The following GPR161 variants were observed in gnomAD, a reference collection of about 807,000 sequenced individuals.
GPR161 encodes the protein G-protein coupled receptor RE2.
GPR161 carries 25 observed loss-of-function variants against 39.2 expected under a neutral mutation model. The observed-to-expected ratio is 0.64, with a 90% CI of 0.47 to 0.89. The LOEUF (loss-of-function observed/expected upper bound fraction) is 0.89. Ranked by LOEUF, GPR161 falls within the 40% of genes least tolerant of loss-of-function variation. The pLI is 0.00. For missense variants in GPR161, 547 were observed against 677.8 expected (o/e 0.81, Z 2.14); for synonymous variants, 286 against 276.6 (o/e 1.03, Z -0.34).
At chr1:168,129,104 T>C (rs1296027853) in intron 1 of GPR161, among the ~76,000 whole-genome samples, 1 of 152,084 alleles carries the variant, frequency 6.6e-6, no homozygotes, top group African/African-American at 2.4e-5. Flanking sequence ...CAATTCTGGG[T>C]AGTAGGTACT....
chr1:168,137,344 C>T (rs2102283383), upstream of GPR161: 2 of 1,535,874 alleles, frequency 1.3e-6, no homozygotes, highest in Non-Finnish European at 1.7e-6. Context: ...CATTCTCCTC[C>T]TCCAGTCCCG....
upstream of GPR161, chr1:168,136,949 C>CG: frequency 4.3e-6 from 3 of 694,642 alleles, no homozygotes; most frequent in Non-Finnish European, 5.1e-6. Context: ...GGCGCCCGCG[C>CG]CCCGCCCCGC....
intron 1 of GPR161, among the ~76,000 whole-genome samples, chr1:168,111,008 G>C (rs1249632233): frequency 6.6e-6 from 1 of 151,868 alleles, no homozygotes; most frequent in African/African-American, 2.4e-5. Context: ...TAGCTAAAAA[G>C]AAAGATGATT....
chr1:168,121,353 C>T (rs1182685901), intron 1 of GPR161, among the ~76,000 whole-genome samples: 7 of 152,090 alleles, frequency 4.6e-5, no homozygotes, highest in African/African-American at 1.4e-4. Context: ...GTTTTTGTTG[C>T]GGCATGTAGG....
Position 168,098,395 on chromosome 1 carries a change from A to T in GPR161, c.375-1163T>A, listed in dbSNP as rs957738033. The stretch of plus-strand genomic sequence containing the variant: ...ACTCAGACCACAGGGCTGAAAGTCA[A>T]CCACCACCCTCCCAACCCCGACATT... On this transcript the variant is annotated intron_variant, in intron 2 of 5. Transcript: ENST00000682931. This position sits in a 1 kb window ranked among gnomAD's most constrained non-coding sequence, Gnocchi z 4.1. Among the ~76,000 whole-genome samples the T allele has an allele frequency of 2.0e-5, 3 of 152,246 alleles. No homozygotes were observed. Among genetic ancestry groups the T allele is most frequent in the Non-Finnish European group, 4.4e-5 (3 of 68,040 alleles).
intron 2 of GPR161, 143 bp from the exon 3 acceptor site, chr1:168,097,375 T>C (rs1695660502): frequency 1.3e-6 from 1 of 766,558 alleles, no homozygotes; most frequent in Non-Finnish European, 2.1e-6. Flanking sequence ...ACAAGTTATA[T>C]AGACTGCATC....
At chr1:168,092,167 G>T (rs1695127522) in intron 3 of GPR161, among the ~76,000 whole-genome samples, 1 of 152,128 alleles carries the variant, frequency 6.6e-6, no homozygotes, top group Admixed American at 6.5e-5. Flanking sequence ...GACCAGAAAG[G>T]CCCCAATCCT....
chr1:168,104,366 C>T (rs1420301642), intron 2 of GPR161, 111 bp downstream of exon 2: 2 of 848,104 alleles, frequency 2.4e-6, no homozygotes, highest in Non-Finnish European at 3.7e-6. Flanking sequence ...TCATCCTCCC[C>T]CAGCAAGGGC....
chr1:168,111,567 G>C (rs756073370), intron 1 of GPR161, among the ~76,000 whole-genome samples: 1 of 152,216 alleles, frequency 6.6e-6, no homozygotes, highest in East Asian at 1.9e-4. Context: ...TTAGGGATGC[G>C]AAGCCAACAT....
intron 4 of GPR161, among the ~76,000 whole-genome samples, chr1:168,090,230 A>G (rs1694920470): frequency 6.6e-6 from 1 of 152,190 alleles, no homozygotes; most frequent in Admixed American, 6.5e-5. Context: ...GGCTGACTGC[A>G]AGGCCCCTCT....
At chr1:168,123,991 C>A (rs1434339614) in intron 1 of GPR161, among the ~76,000 whole-genome samples, 1 of 152,234 alleles carries the variant, frequency 6.6e-6, no homozygotes, top group African/African-American at 2.4e-5. Flanking sequence ...CCTAACTTGA[C>A]ACACAGGTTG....
chr1:168,116,653 T>TC (rs1430374311), intron 1 of GPR161, among the ~76,000 whole-genome samples: 1 of 152,066 alleles, frequency 6.6e-6, no homozygotes, highest in Admixed American at 6.5e-5. Context: ...GTGCAAAGGC[T>TC]CCCTCCTGCC....
Position 168,081,095 on chromosome 1 carries a change from C to G in GPR161, c.*4436G>C, listed in dbSNP as rs1694040297. 6.6e-6 allele frequency: 1 copy of G among 152,120 alleles called. No homozygotes were observed. Among genetic ancestry groups the G allele is most frequent in the Non-Finnish European group, 1.5e-5 (1 of 68,056 alleles). 9.4% of individuals were successfully genotyped at this position (152,120 alleles called of 1,614,324 possible). On this transcript the variant is annotated 3_prime_UTR_variant, in exon 6 of 6. Transcript: ENST00000682931. ...GTCAGGCTGGTCTCGAACTCCTGAC[C>G]TCAGGTGATCTGCCCATCTCGACCC...
At chr1:168,120,833 C>T (rs926329284) in intron 1 of GPR161, among the ~76,000 whole-genome samples, 3 of 152,118 alleles carry the variant, frequency 2.0e-5, no homozygotes, top group African/African-American at 7.2e-5. Context: ...TGCCTTCTGC[C>T]ATAATTATAA....
Position 168,082,363 on chromosome 1 carries a change from CAA to C in GPR161, c.*3166_*3167del, listed in dbSNP as rs554942488. 6.4e-4 allele frequency: 98 copies of C among 152,368 alleles called. No individual in the cohort carries two copies. Among genetic ancestry groups the C allele is most frequent in the African/African-American group, 2.1e-3 (88 of 41,574 alleles). The allele number at this position is 152,368 out of a possible 1,614,324, so 9.4% of individuals were successfully genotyped here. ...ACGATAAGGGCAAAGGAATTCAAAACAAGAGTGCCCAGCCAGAGGCAAACAAG... is the reference window on the plus strand; with the variant it reads ...ACGATAAGGGCAAAGGAATTCAAAACGAGTGCCCAGCCAGAGGCAAACAAG... On this transcript the variant is annotated 3_prime_UTR_variant, in exon 6 of 6. Transcript: ENST00000682931.
At chr1:168,128,381 A>G (rs547064256) in intron 1 of GPR161, among the ~76,000 whole-genome samples, 3 of 152,240 alleles carry the variant, frequency 2.0e-5, no homozygotes, top group African/African-American at 7.2e-5. Context: ...GGGGGATGCT[A>G]TTGGCACCTA....
rs1694211385 is a variant in GPR161, at chr1:168,083,421, C to T, written c.*2110G>A. The T allele has an allele frequency of 6.6e-6, 1 of 152,274 alleles. No individual in the cohort carries two copies. The highest frequency in any genetic ancestry group is 2.4e-5 in the African/African-American group (1 of 41,440). 9.4% of individuals were successfully genotyped at this position (152,274 alleles called of 1,614,324 possible). ...GGAACATTCTCCAACCCTTGCGTTTCAAAGCCAAGCTGCTGCACTCAAGAA... is the reference window on the plus strand; with the variant it reads ...GGAACATTCTCCAACCCTTGCGTTTTAAAGCCAAGCTGCTGCACTCAAGAA... On this transcript the variant is annotated 3_prime_UTR_variant, in exon 6 of 6. Transcript: ENST00000682931.
At chr1:168,087,445 G>T in intron 5 of GPR161, 140 bp downstream of exon 5, 1 of 986,044 alleles carries the variant, frequency 1.0e-6, no homozygotes, top group Non-Finnish European at 1.6e-6. Context: ...GACCAACAGG[G>T]CTGGGAGTAA....
rs768221952 is a variant in GPR161 at position 168,087,611 on chromosome 1, A to G, written c.1298T>C (p.Phe433Ser). 3.7e-6 allele frequency: 6 copies of G among 1,613,956 alleles called. No individual in the cohort carries two copies. The Admixed American group carries it at 5.0e-5, about 13-fold the overall frequency. ...TTTGATTTGTTCCACTTCATCCTCA[A>G]ATGTCACCGAGCTCCTTCTCTTGGG... ...CPPKRRSSVT[F>S]EDEVEQIKEA... Residue 433 changes from phenylalanine (F) to serine (S), a missense_variant, in exon 5 of 6, where the codon TTT (phenylalanine) becomes TCT (serine). Physicochemically the swap from Phe to Ser is radical, Grantham distance 155 (BLOSUM62 -2). Transcript: ENST00000682931.
Sources: gnomAD v4.1 joint callset for allele counts (sites outside exome capture counted in the v4.1 genomes callset) on GRCh38, gnomAD v4.1.1 for gene constraint, Gnocchi (gnomAD v3.1) non-coding constraint, MANE v1.5 for transcripts, NCBI Gene and HGNC (gene_info 2026-07-23, HGNC 2026-07-21) for gene names.